DTL: variants seen among roughly 807,000 people sequenced by gnomAD.
DTL encodes the protein denticleless protein homolog.
In DTL, 46 loss-of-function variants were observed where a neutral mutation model predicts 87.0. That is an observed-to-expected ratio of 0.53 (90% CI 0.42 to 0.68). The LOEUF is 0.68. Ranked by LOEUF, DTL falls within the 30% of genes least tolerant of loss-of-function variation. The probability of loss-of-function intolerance (pLI) is 0.00; values close to 1 mark genes in which losing one functional copy is unlikely to be tolerated. For missense variants in DTL, 737 were observed against 869.4 expected (o/e 0.85, Z 1.91); for synonymous variants, 308 against 311.2 (o/e 0.99, Z 0.11).
chr1:212,050,729 T>C (rs1020338438), intron 5 of DTL, among the ~76,000 whole-genome samples: 1 of 57,326 alleles, frequency 1.7e-5, no homozygotes, highest in African/African-American at 5.4e-5. Context: ...GGAGAAGATA[T>C]TTGGCCTATT....
intron 6 of DTL, 72 bp downstream of exon 6, chr1:212,063,021 T>A: frequency 9.2e-7 from 1 of 1,087,058 alleles, no homozygotes; most frequent in Non-Finnish European, 1.4e-6. Flanking sequence ...AAAGAGTTAG[T>A]GATTTCATCT....
intron 5 of DTL, among the ~76,000 whole-genome samples, chr1:212,059,785 A>AC (rs1231489817): frequency 2.1e-5 from 1 of 47,244 alleles, no homozygotes; most frequent in Non-Finnish European, 4.2e-5. Context: ...TCTACAAAAA[A>AC]AAAAAAAAAA....
chr1:212,040,730 C>T (rs1182005748), intron 1 of DTL, among the ~76,000 whole-genome samples: 1 of 152,172 alleles, frequency 6.6e-6, no homozygotes, highest in Non-Finnish European at 1.5e-5. Flanking sequence ...AACTATGTGA[C>T]AGACACAGCA....
chr1:212,087,057 C>T (rs1398520529), intron 13 of DTL, among the ~76,000 whole-genome samples: 2 of 152,188 alleles, frequency 1.3e-5, no homozygotes, highest in Non-Finnish European at 1.5e-5. Context: ...CTATTGACTC[C>T]TAGCATAATT....
At position 212,068,608 on chromosome 1, in the gene DTL, G is replaced by T; in HGVS notation, c.827G>T (p.Ser276Ile). The T allele has an allele frequency of 1.2e-6, 2 of 1,610,232 alleles. No individual in the cohort carries two copies. The highest frequency in any genetic ancestry group is 1.7e-6 in the Non-Finnish European group (2 of 1,176,870). Reference protein sequence around the residue: ...GSSTRKLGYSSLILDSTGSTL... With the variant: ...GSSTRKLGYSILILDSTGSTL... Reference sequence around the variant, plus strand: ...AGTTTCCTTTTTCCAGGATATTCAAGTCTGATTTTGGATTCCACTGGCTCT... The same window carrying T: ...AGTTTCCTTTTTCCAGGATATTCAATTCTGATTTTGGATTCCACTGGCTCT... The change falls in exon 10 of 15, where the codon AGT becomes ATT. Residue 276 changes from serine (S) to isoleucine (I), a missense_variant. Coordinates refer to ENST00000366991, the MANE Select transcript of DTL (RefSeq NM_016448.4).
chr1:212,089,891 G>A (rs1055207265), intron 13 of DTL, among the ~76,000 whole-genome samples: 3 of 152,084 alleles, frequency 2.0e-5, no homozygotes, highest in African/African-American at 7.2e-5. Flanking sequence ...TTGTTAATCG[G>A]CATATTATAG....
At chr1:212,061,391 T>TA (rs1654298291) in intron 5 of DTL, among the ~76,000 whole-genome samples, 1 of 152,130 alleles carries the variant, frequency 6.6e-6, no homozygotes. Context: ...AGAATGGCTA[T>TA]TATTAAACAA....
chr1:212,093,299 T>G (rs1327487370), intron 13 of DTL, among the ~76,000 whole-genome samples: 1 of 152,190 alleles, frequency 6.6e-6, no homozygotes, highest in Non-Finnish European at 1.5e-5. Flanking sequence ...AGTGGGCGTG[T>G]GTTACAGTGT....
At chr1:212,070,345 C>T (rs1421611609) in intron 10 of DTL, among the ~76,000 whole-genome samples, 1 of 152,088 alleles carries the variant, frequency 6.6e-6, no homozygotes, top group African/African-American at 2.4e-5. Context: ...GACAGCTGGC[C>T]ATGGTGGCTC....
chr1:212,083,308 G>T (rs1415692199), intron 13 of DTL, among the ~76,000 whole-genome samples: 2 of 152,092 alleles, frequency 1.3e-5, no homozygotes, highest in African/African-American at 4.8e-5. Flanking sequence ...GGAAAGACCT[G>T]CCCCCATTAT....
chr1:212,069,159 CTT>C (rs5780672), intron 10 of DTL, among the ~76,000 whole-genome samples: 2 of 148,118 alleles, frequency 1.4e-5, no homozygotes, highest in African/African-American at 4.9e-5. Flanking sequence ...CCAGCCTCAC[CTT>C]TTTTTTTTCC....
intron 6 of DTL, 43 bp downstream of exon 6, chr1:212,062,992 C>T: frequency 6.8e-7 from 1 of 1,462,958 alleles, no homozygotes; most frequent in Non-Finnish European, 9.6e-7. Context: ...TGGGATTACC[C>T]TGTACTTAAT....
intron 13 of DTL, among the ~76,000 whole-genome samples, chr1:212,096,349 T>G (rs1655450979): frequency 2.2e-5 from 1 of 46,300 alleles, no homozygotes; most frequent in South Asian, 6.1e-4. Flanking sequence ...TTTTGTATTT[T>G]GTTGTTGTTG....
In DTL at chr1:212,064,123, C is replaced by T. The variant is rs140638489; in HGVS notation, c.527-794C>T. Among the ~76,000 whole-genome samples, 231 of 152,158 alleles carry T rather than the reference C, an allele frequency of 1.5e-3. 6 individuals are homozygous for T. The East Asian group carries it at 0.038, about 25-fold the overall frequency. ...GCCAGGCTGATCTGGAACTCCTGACCTCAGGCAATCTGCCTGCCTCAGCCT... is the reference window on the plus strand; with the variant it reads ...GCCAGGCTGATCTGGAACTCCTGACTTCAGGCAATCTGCCTGCCTCAGCCT... On this transcript the variant is annotated intron_variant, in intron 6 of 14. Transcript: ENST00000366991.
At chr1:212,046,666 A>G (rs1667817321) in intron 3 of DTL, among the ~76,000 whole-genome samples, 1 of 152,196 alleles carries the variant, frequency 6.6e-6, no homozygotes, top group Admixed American at 6.5e-5. Flanking sequence ...TATATGTACC[A>G]CATTTTCTTT....
intron 1 of DTL, 49 bp downstream of exon 1, chr1:212,035,991 C>G (rs368167607): frequency 3.2e-6 from 5 of 1,586,206 alleles, no homozygotes; most frequent in Non-Finnish European, 3.5e-6. Flanking sequence ...ATTCATTTCC[C>G]CCGAAACACA....
At chr1:212,057,021 T>A (rs1003848682) in intron 5 of DTL, among the ~76,000 whole-genome samples, 1 of 152,094 alleles carries the variant, frequency 6.6e-6, no homozygotes, top group Non-Finnish European at 1.5e-5. Flanking sequence ...TGGCCAAATA[T>A]ATGAATTTTC....
chr1:212,072,147 C>T lies in DTL; in HGVS notation c.969C>T (p.Ser323=), dbSNP rs761188839. 1.1e-5 allele frequency: 18 copies of T among 1,614,028 alleles called. No individual in the cohort carries two copies. The South Asian group carries it at 1.8e-4, about 16-fold the overall frequency. Residue 323 remains serine, a synonymous_variant, in exon 11 of 15, where the codon TCC becomes TCT. Transcript: ENST00000366991. ...AGAACTCTACCTTTTATGTAAAATC[C>T]AGCCTTAGTCCAGATGACCAGTTTT... ...GHQNSTFYVK[S]SLSPDDQFLV... is the part of the protein sequence containing the mutation.
chr1:212,083,085 G>A (rs1022395886), intron 13 of DTL, among the ~76,000 whole-genome samples: 4 of 152,128 alleles, frequency 2.6e-5, no homozygotes, highest in Non-Finnish European at 5.9e-5. Context: ...ATAAAGACAT[G>A]TACAAGACTT....
Sources: gnomAD v4.1 joint callset for allele counts (sites outside exome capture counted in the v4.1 genomes callset) on GRCh38, gnomAD v4.1.1 for gene constraint, MANE v1.5 for transcripts, NCBI Gene and HGNC (gene_info 2026-07-23, HGNC 2026-07-21) for gene names.